CDX1: variants seen among roughly 807,000 people sequenced by gnomAD.
CDX1 encodes caudal type homeobox 1, also known as homeobox protein CDX-1.
CDX1 carries 9 observed loss-of-function variants against 16.9 expected under a neutral mutation model. The ratio of observed to expected loss-of-function variants is 0.53; its 90% CI spans 0.32 to 0.93. The LOEUF (loss-of-function observed/expected upper bound fraction) is 0.93, where lower values mean the gene tolerates loss of function less well. CDX1 is among the 40% of genes least tolerant of loss of function. The probability of loss-of-function intolerance (pLI) is 0.04; values close to 1 mark genes in which losing one functional copy is unlikely to be tolerated. For synonymous variants in CDX1, 179 were observed against 179.0 expected (o/e 1.00, Z 0.00); for missense variants, 393 against 386.1 (o/e 1.02, Z -0.15).
chr5:150,173,614 C>T (rs1199471870), intron 1 of CDX1, among the ~76,000 whole-genome samples: 1 of 152,228 alleles, frequency 6.6e-6, no homozygotes, highest in African/African-American at 2.4e-5. Flanking sequence ...AATCTACCTC[C>T]CCTGCCATGA....
intron 1 of CDX1, among the ~76,000 whole-genome samples, chr5:150,177,582 C>T (rs1016529938): frequency 2.6e-5 from 4 of 152,208 alleles, no homozygotes; most frequent in East Asian, 1.9e-4. Context: ...CTGCCTGATG[C>T]GTGGTCCTCT....
chr5:150,167,749 A>C (rs1761451506), intron 1 of CDX1, among the ~76,000 whole-genome samples: 1 of 152,264 alleles, frequency 6.6e-6, no homozygotes, highest in African/African-American at 2.4e-5. Context: ...TAACTGTGTG[A>C]ACAGGGCAGG....
chr5:150,174,180 G>A (rs572230307), intron 1 of CDX1, among the ~76,000 whole-genome samples: 14 of 152,302 alleles, frequency 9.2e-5, no homozygotes, highest in African/African-American at 2.2e-4. Flanking sequence ...GCCCCACCTC[G>A]AACGTGAGAC....
intron 1 of CDX1, among the ~76,000 whole-genome samples, chr5:150,179,747 C>A (rs1264937780): frequency 1.3e-5 from 2 of 152,226 alleles, no homozygotes; most frequent in Non-Finnish European, 2.9e-5. Flanking sequence ...TTAAGGGCCC[C>A]CAGCCTGGGG....
chr5:150,173,410 T>C (rs1204478410), intron 1 of CDX1, among the ~76,000 whole-genome samples: 2 of 152,112 alleles, frequency 1.3e-5, no homozygotes, highest in Non-Finnish European at 2.9e-5. Flanking sequence ...CCCTGGAATG[T>C]CTTTCCCTGT....
At chr5:150,178,543 G>A (rs941180413) in intron 1 of CDX1, among the ~76,000 whole-genome samples, 11 of 152,090 alleles carry the variant, frequency 7.2e-5, no homozygotes, top group Non-Finnish European at 1.3e-4. Context: ...CTCCCTGCCC[G>A]CTCCTTCCCA....
chr5:150,170,357 T>C (rs1402301460), intron 1 of CDX1, among the ~76,000 whole-genome samples: 1 of 152,234 alleles, frequency 6.6e-6, no homozygotes, highest in African/African-American at 2.4e-5. Flanking sequence ...TTACACTTGT[T>C]TGTATGTTGT....
chr5:150,176,419 C>T (rs1309023394), intron 1 of CDX1, among the ~76,000 whole-genome samples: 1 of 152,220 alleles, frequency 6.6e-6, no homozygotes, highest in Non-Finnish European at 1.5e-5. Flanking sequence ...AGCCCTATGC[C>T]CTTCGTTTGT....
chr5:150,173,554 T>C (rs1477755606), intron 1 of CDX1, among the ~76,000 whole-genome samples: 1 of 152,246 alleles, frequency 6.6e-6, no homozygotes, highest in Admixed American at 6.5e-5. Context: ...TTGCTCACTT[T>C]CCTTCCTGCT....
chr5:150,183,049 G>A (rs1261656950), intron 2 of CDX1, 136 bp downstream of exon 2: 1 of 1,088,278 alleles, frequency 9.2e-7, no homozygotes, highest in Non-Finnish European at 1.3e-6. Context: ...CAGCACAGCA[G>A]AAACTGAGGT....
intron 1 of CDX1, among the ~76,000 whole-genome samples, chr5:150,175,959 C>G (rs1305070147): frequency 6.6e-6 from 1 of 152,246 alleles, no homozygotes; most frequent in Non-Finnish European, 1.5e-5. Flanking sequence ...CTCTCACAGC[C>G]ATTCTGTTCC....
chr5:150,181,616 C>T (rs1211869358), intron 1 of CDX1, among the ~76,000 whole-genome samples: 4 of 152,164 alleles, frequency 2.6e-5, no homozygotes, highest in Non-Finnish European at 5.9e-5. Context: ...TACACCTTTG[C>T]TGAAATTCCC....
intron 1 of CDX1, among the ~76,000 whole-genome samples, chr5:150,169,908 C>A (rs1761481779): frequency 1.3e-5 from 2 of 152,348 alleles, no homozygotes; most frequent in Non-Finnish European, 2.9e-5. Flanking sequence ...CAGTTTCACA[C>A]AAGCGGGGCT....
intron 1 of CDX1, among the ~76,000 whole-genome samples, chr5:150,169,701 A>G (rs1455210047): frequency 2.0e-5 from 3 of 152,170 alleles, no homozygotes; most frequent in Non-Finnish European, 4.4e-5. Flanking sequence ...GGACAGCTGA[A>G]GGAGGATCAG....
intron 1 of CDX1, among the ~76,000 whole-genome samples, chr5:150,180,922 C>T (rs1321637169): frequency 6.6e-6 from 1 of 152,174 alleles, no homozygotes; most frequent in Non-Finnish European, 1.5e-5. Flanking sequence ...AGCCAAGGCA[C>T]CGCCCTCTCT....
intron 1 of CDX1, among the ~76,000 whole-genome samples, chr5:150,169,819 C>T (rs945095492): frequency 1.3e-5 from 2 of 152,278 alleles, no homozygotes; most frequent in Admixed American, 6.5e-5. Context: ...CTCCAGCATT[C>T]GAGAGTGGAC....
At chr5:150,171,579 G>A (rs775373525) in intron 1 of CDX1, among the ~76,000 whole-genome samples, 6 of 152,272 alleles carry the variant, frequency 3.9e-5, no homozygotes, top group East Asian at 3.9e-4. Context: ...CTCGTGATCC[G>A]CCCGCCTCGG....
At chr5:150,169,034 G>C (rs992111599) in intron 1 of CDX1, among the ~76,000 whole-genome samples, 1 of 152,158 alleles carries the variant, frequency 6.6e-6, no homozygotes, top group African/African-American at 2.4e-5. Context: ...AGTCTGTGAG[G>C]CTCTGGAGAA....
At chr5:150,183,257 G>A (rs757389664) in intron 2 of CDX1, among the ~76,000 whole-genome samples, 1 of 152,136 alleles carries the variant, frequency 6.6e-6, no homozygotes, top group Non-Finnish European at 1.5e-5. Flanking sequence ...AGATGGAGAG[G>A]GGGAAGGTTA....
Sources: gnomAD v4.1 joint callset for allele counts (sites outside exome capture counted in the v4.1 genomes callset) on GRCh38, gnomAD v4.1.1 for gene constraint, MANE v1.5 for transcripts, NCBI Gene and HGNC (gene_info 2026-07-23, HGNC 2026-07-21) for gene names.